Variants in SLC26A7 observed in about 807,000 individuals in gnomAD.
The protein encoded by SLC26A7 is anion exchange transporter.
A neutral mutation model predicts 82.5 loss-of-function variants in SLC26A7; 59 were observed. That is an observed-to-expected ratio of 0.72 (90% CI 0.58 to 0.89). SLC26A7 has a LOEUF of 0.89. Among genes scored for constraint, SLC26A7 ranks in the 40% least tolerant of loss-of-function variants. The pLI is 0.00. For missense variants in SLC26A7, 820 were observed against 793.0 expected, an observed-to-expected ratio of 1.03 and a Z score of -0.41; for synonymous variants, 271 against 274.3, an observed-to-expected ratio of 0.99 and a Z score of 0.12.
chr8:91,327,522 C>A (rs1488582982), intron 5 of SLC26A7, among the ~76,000 whole-genome samples: 1 of 152,058 alleles, frequency 6.6e-6, no homozygotes, highest in African/African-American at 2.4e-5. Flanking sequence ...TATCTATATG[C>A]TGATTATGCC....
chr8:91,365,283 T>C (rs1166140332), intron 13 of SLC26A7, among the ~76,000 whole-genome samples: 1 of 152,210 alleles, frequency 6.6e-6, no homozygotes, highest in Non-Finnish European at 1.5e-5. Context: ...ACACATAAAA[T>C]ACACTAACAC....
At chr8:91,244,701 T>C (rs547788365), upstream of SLC26A7, among the ~76,000 whole-genome samples, 2 of 151,866 alleles carry the variant, frequency 1.3e-5, no homozygotes, top group African/African-American at 4.8e-5. Context: ...ATTATTATTT[T>C]GTAGAGATGA....
chr8:91,334,282 C>G lies in SLC26A7; in HGVS notation c.643-13C>G, dbSNP rs1487145571. On this transcript the variant is annotated splice_polypyrimidine_tract_variant and intron_variant, in intron 5 of 18. Transcript: ENST00000276609. ...ACCCTGAATTTTGTTTGTATTTTTT[C>G]TCATTACTGTAGATTTATGCATATG... 1 of 1,590,748 alleles carries G rather than the reference C, an allele frequency of 6.3e-7. No homozygotes were observed. Among genetic ancestry groups the G allele is most frequent in the Non-Finnish European group, 8.5e-7 (1 of 1,169,960 alleles).
At chr8:91,221,614 T>A (rs550329955) in intron 2 of SLC26A7, among the ~76,000 whole-genome samples, 1 of 152,348 alleles carries the variant, frequency 6.6e-6, no homozygotes, top group East Asian at 1.9e-4. Flanking sequence ...CCCAGCACCA[T>A]TTACTGAATA....
chr8:91,311,319 A>G (rs967789964), intron 4 of SLC26A7, among the ~76,000 whole-genome samples: 2 of 152,176 alleles, frequency 1.3e-5, no homozygotes, highest in East Asian at 3.8e-4. Flanking sequence ...CAGAACTTAT[A>G]AAGTCTATAG....
Position 91,258,372 on chromosome 8 carries a change from C to A in SLC26A7, c.193+8528C>A, listed in dbSNP as rs919077358. ...TTTCCTACCAAAAGTAATCCTTATC[C>A]TCCATTCTTTTTTATAATGCAAGTC... On this transcript the variant is annotated intron_variant, in intron 2 of 18. Coordinates refer to ENST00000276609, the MANE Select transcript of SLC26A7 (RefSeq NM_052832.4). Among the ~76,000 whole-genome samples the A allele has an allele frequency of 2.0e-5, 3 of 152,018 alleles. No homozygotes were observed. In the South Asian group the frequency reaches 6.2e-4, roughly 32 times the overall value.
chr8:91,225,643 GTTTTTT>G (rs55732709), intron 2 of SLC26A7, among the ~76,000 whole-genome samples: 5,413 of 36,402 alleles, frequency 0.15, 199 homozygotes, highest in Middle Eastern at 0.42. Context: ...CTAGAAAAGT[GTTTTTT>G]TTTTTTTTTT....
Position 91,281,555 on chromosome 8 carries a change from G to C in SLC26A7, c.194-7581G>C, listed in dbSNP as rs180769084. Among the ~76,000 whole-genome samples the C allele has an allele frequency of 3.3e-5, 5 of 152,254 alleles. No individual in the cohort carries two copies. In the East Asian group the frequency reaches 7.7e-4, roughly 23 times the overall value. On this transcript the variant is annotated intron_variant, in intron 2 of 18. Transcript: ENST00000276609. Reference sequence around the variant, plus strand: ...GAACCAATTGCCAGCAAATACAAAAGTCTGCCTGTATTTTCATGTTCAACC... The same window carrying C: ...GAACCAATTGCCAGCAAATACAAAACTCTGCCTGTATTTTCATGTTCAACC...
intron 15 of SLC26A7, among the ~76,000 whole-genome samples, chr8:91,377,494 C>T (rs145791544): frequency 1.6e-4 from 25 of 152,238 alleles, no homozygotes; most frequent in Middle Eastern, 3.4e-3. Context: ...AGTCTGGTGG[C>T]GCAGTGACTC....
chr8:91,369,431 CTCTT>C (rs1814292228), intron 14 of SLC26A7, among the ~76,000 whole-genome samples: 1 of 150,708 alleles, frequency 6.6e-6, no homozygotes, highest in Non-Finnish European at 1.5e-5. Flanking sequence ...GTGGTTCTCT[CTCTT>C]AAAATGCAAT....
intron 2 of SLC26A7, among the ~76,000 whole-genome samples, chr8:91,233,974 AATCTG>A (rs1377331515): frequency 6.6e-6 from 1 of 152,246 alleles, no homozygotes; most frequent in African/African-American, 2.4e-5. Flanking sequence ...ATGATATTCT[AATCTG>A]GGTTTCCAGA....
At chr8:91,392,589 A>G in intron 16 of SLC26A7, among the ~76,000 whole-genome samples, 1 of 152,234 alleles carries the variant, frequency 6.6e-6, no homozygotes, top group East Asian at 1.9e-4. Context: ...GAAGGTTCAG[A>G]GTAAACAGCC....
At chr8:91,390,254 C>A (rs1042333918) in intron 16 of SLC26A7, among the ~76,000 whole-genome samples, 1 of 151,880 alleles carries the variant, frequency 6.6e-6, no homozygotes, top group Non-Finnish European at 1.5e-5. Context: ...GTAGCTGGGA[C>A]TACAGGCACC....
intron 6 of SLC26A7, among the ~76,000 whole-genome samples, chr8:91,337,913 A>G (rs1206343517): frequency 6.6e-6 from 1 of 151,610 alleles, no homozygotes; most frequent in Admixed American, 6.6e-5. Context: ...ACGGTAGGAT[A>G]TTAGAAAAGC....
chr8:91,291,248 G>T (rs1466540777), intron 3 of SLC26A7, among the ~76,000 whole-genome samples: 1 of 152,116 alleles, frequency 6.6e-6, no homozygotes, highest in Admixed American at 6.5e-5. Flanking sequence ...GAAAGTTTCT[G>T]TGAGATCACA....
Position 91,334,423 on chromosome 8 carries a change from T to C in SLC26A7, c.771T>C (p.Val257=), listed in dbSNP as rs571683111. The part of the protein sequence containing the change: ...LNEQFKRKIK[V]VLPVDLVLII... Reference sequence around the variant, plus strand: ...AACAGTTTAAAAGGAAAATTAAAGTTGTTCTTCCTGTAGATTTAGTTTTGG... The same window carrying C: ...AACAGTTTAAAAGGAAAATTAAAGTCGTTCTTCCTGTAGATTTAGTTTTGG... Residue 257 remains valine (V), a synonymous_variant, in exon 6 of 19, where the codon GTT becomes GTC. Transcript: ENST00000276609. 6.8e-6 allele frequency: 11 copies of C among 1,612,352 alleles called. No homozygotes were observed. Among genetic ancestry groups the C allele is most frequent in the Non-Finnish European group, 8.5e-6 (10 of 1,179,316 alleles).
rs774141206 is a variant in SLC26A7 at position 91,295,514 on chromosome 8, A to G, written c.305-17A>G. The G allele has an allele frequency of 4.4e-6, 7 of 1,604,760 alleles. No homozygotes were observed. Among genetic ancestry groups the G allele is most frequent in the Non-Finnish European group, 6.0e-6 (7 of 1,174,784 alleles). ...TCAAATTACTAATAGAAGATTCCCC[A>G]CACCACTTGGTTTCAGGCACCTTTG... is the stretch of plus-strand genomic sequence containing the variant. On this transcript the variant is annotated splice_polypyrimidine_tract_variant and intron_variant, in intron 3 of 18. Coordinates refer to ENST00000276609, the MANE Select transcript of SLC26A7 (RefSeq NM_052832.4).
rs1237976681 is a variant in SLC26A7, at chr8:91,289,226, T to C, written c.284T>C (p.Met95Thr). ...FPAIIYAIFGMGHHVATGTFA... is the reference protein window; with the variant it reads ...FPAIIYAIFGTGHHVATGTFA... The stretch of plus-strand genomic sequence containing the variant: ...GCCATAATTTATGCCATATTTGGAA[T>C]GGGACATCATGTTGCCACAGGTAAT... Residue 95 changes from methionine (M) to threonine (T), a missense_variant, in exon 3 of 19, where the codon ATG becomes ACG. Transcript: ENST00000276609. 1.2e-6 allele frequency: 2 copies of C among 1,612,784 alleles called. No individual in the cohort carries two copies. The highest frequency in any genetic ancestry group is 1.7e-6 in the Non-Finnish European group (2 of 1,178,802).
intron 16 of SLC26A7, among the ~76,000 whole-genome samples, chr8:91,390,341 T>A (rs1209917946): frequency 6.6e-6 from 1 of 151,988 alleles, no homozygotes; most frequent in Admixed American, 6.5e-5. Context: ...ATGGTCTCCA[T>A]CTCCTGACCT....
Sources: allele counts gnomAD v4.1 joint callset (sites outside exome capture counted in the v4.1 genomes callset), GRCh38; gene constraint gnomAD v4.1.1; transcripts MANE v1.5; gene names NCBI Gene and HGNC (gene_info 2026-07-23, HGNC 2026-07-21).